CARD8: variants seen among roughly 807,000 people sequenced by gnomAD.
CARD8 encodes the protein caspase recruitment domain family member 8, also known as caspase recruitment domain-containing protein 8.
In CARD8, 38 loss-of-function variants were observed where a neutral mutation model predicts 53.2. That is an observed-to-expected ratio of 0.71 (90% CI 0.55 to 0.94). The LOEUF (loss-of-function observed/expected upper bound fraction) is 0.94. Among genes scored for constraint, CARD8 ranks in the 40% least tolerant of loss-of-function variants. The pLI, the probability that CARD8 is intolerant of heterozygous loss-of-function variation, is 0.00. For synonymous variants in CARD8, 245 were observed against 244.9 expected (o/e 1.00, Z 0.00); for missense variants, 561 against 655.5 (o/e 0.86, Z 1.57).
chr19:48,207,347 C>A (rs2037394785), downstream of CARD8, among the ~76,000 whole-genome samples: 1 of 152,092 alleles, frequency 6.6e-6, no homozygotes, highest in Non-Finnish European at 1.5e-5. Context: ...TTTAACTTCA[C>A]TGTGTAACTT....
intron 3 of CARD8, among the ~76,000 whole-genome samples, chr19:48,247,481 A>G (rs1479668333): frequency 1.3e-5 from 2 of 152,194 alleles, no homozygotes; most frequent in Non-Finnish European, 2.9e-5. Context: ...CTGAATTATC[A>G]CTAAGATCTA....
chr19:48,211,462 T>C lies in CARD8; in HGVS notation c.*248A>G. 2.2e-6 allele frequency: 1 copy of C among 449,570 alleles called. No individual in the cohort carries two copies. Among genetic ancestry groups the C allele is most frequent in the Non-Finnish European group, 4.0e-6 (1 of 250,560 alleles). The allele number at this position is 449,570 out of a possible 1,614,324, so 27.8% of individuals were successfully genotyped here. ...CATGTCAATGGATAAAATAGTGATA[T>C]ATCAAGCAATGGTTGGAAAAAATTT... On this transcript the variant is annotated 3_prime_UTR_variant, in exon 14 of 14. Transcript: ENST00000651546.
chr19:48,238,399 AG>A lies in CARD8; in HGVS notation c.192del (p.Cys65ValfsTer2). 6.5e-7 allele frequency: 1 copy of A among 1,535,852 alleles called. No individual in the cohort carries two copies. Among genetic ancestry groups the A allele is most frequent in the Non-Finnish European group, 8.7e-7 (1 of 1,146,830 alleles). ...TKTGIFFQAEACVTNDTVYRE... is the reference protein window; with the variant it reads ...TKTGIFFQAEXCVTNDTVYRE... ...GTCCCTTACGTATCATTTGTCACAC[AG>A]GCCTCAGCCTGAAAAAAAATTCCAG... On this transcript the variant is annotated frameshift_variant, in exon 5 of 14. Coordinates refer to ENST00000651546, the MANE Select transcript of CARD8 (RefSeq NM_001184900.3). LOFTEE classifies it high-confidence loss of function.
intron 5 of CARD8, among the ~76,000 whole-genome samples, chr19:48,234,895 A>G (rs905903634): frequency 2.6e-5 from 4 of 152,190 alleles, no homozygotes; most frequent in Non-Finnish European, 4.4e-5. Flanking sequence ...AATTTTAGGG[A>G]AAGGATGAGA....
chr19:48,203,588 C>T (rs2037240094), downstream of CARD8: 1 of 153,314 alleles, frequency 6.5e-6, no homozygotes, highest in Non-Finnish European at 1.5e-5. Context: ...TATTAACATA[C>T]TGCTTTTTCC....
In CARD8 at chr19:48,242,275, C is replaced by T. The variant is rs917171916; in HGVS notation, c.-43-1212G>A. Among the ~76,000 whole-genome samples, 186 of 152,142 alleles carry T rather than the reference C, an allele frequency of 1.2e-3. 1 individual carries two copies. Among genetic ancestry groups the T allele is most frequent in the African/African-American group, 3.8e-3 (156 of 41,502 alleles). ...GCTCCCGCTTTCTACCGTGGGAGGG[C>T]GCAGCAAGAAGTCAGCCGTCTATGA... On this transcript the variant is annotated intron_variant, in intron 3 of 13. Coordinates refer to ENST00000651546, the MANE Select transcript of CARD8 (RefSeq NM_001184900.3).
Position 48,234,560 on chromosome 19 carries a change from G to C in CARD8, c.210-17C>G, listed in dbSNP as rs769434734. On this transcript the variant is annotated splice_polypyrimidine_tract_variant and intron_variant, in intron 5 of 13. Coordinates refer to ENST00000651546, the MANE Select transcript of CARD8 (RefSeq NM_001184900.3). ...CTGTATACCCTGGAAAACAACAACA[G>C]AATTTTTACTATGAATATAAGGTAG... The C allele has an allele frequency of 9.3e-6, 15 of 1,607,866 alleles. No homozygotes were observed. The East Asian group carries it at 3.4e-4, about 36-fold the overall frequency.
At chr19:48,249,000 C>A (rs961061641) in intron 3 of CARD8, among the ~76,000 whole-genome samples, 9 of 152,118 alleles carry the variant, frequency 5.9e-5, no homozygotes, top group Admixed American at 3.3e-4. Flanking sequence ...GAGTTCGAAG[C>A]CAGACTGGCA....
intron 11 of CARD8, 95 bp downstream of exon 11, chr19:48,221,635 A>G: frequency 5.7e-6 from 5 of 880,386 alleles, no homozygotes; most frequent in Non-Finnish European, 8.2e-6. Flanking sequence ...GTGATTAATA[A>G]AAGAAAAATG....
Position 48,230,495 on chromosome 19 carries a change from G to A in CARD8, c.978C>T (p.His326=), listed in dbSNP as rs372194276. 14 of 1,613,972 alleles carry A rather than the reference G, an allele frequency of 8.7e-6. No individual in the cohort carries two copies. The highest frequency in any genetic ancestry group is 1.1e-5 in the Non-Finnish European group (13 of 1,179,976). ...ACAAGTGGAACTTAATATCTTCGGG[G>A]TGGGGGTGATAATAGATCAATGTGT... The part of the protein sequence containing the change: ...TSNTLIYYHP[H]PEDIKFHLYL... The change falls in exon 10 of 14, where the codon CAC becomes CAT. Residue 326 remains histidine (H), a synonymous_variant. Transcript: ENST00000651546.
chr19:48,218,849 C>T (rs1319940375), intron 12 of CARD8, 22 bp downstream of exon 12: 7 of 1,612,116 alleles, frequency 4.3e-6, no homozygotes, highest in Non-Finnish European at 5.1e-6. Flanking sequence ...TCTAAAAATG[C>T]CAGCCTCGCC....
rs1376773637 is a variant in CARD8, at chr19:48,211,824, C to G, written c.1500G>C (p.Glu500Asp). ...TCTTCTCCACCATGCTCAGCAAGGC[C>G]TCATTCTTGCTCTGCCGTGTCTTTT... Reference protein sequence around the residue: ...EQEKTRQSKNEALLSMVEKKG... With the variant: ...EQEKTRQSKNDALLSMVEKKG... Residue 500 changes from glutamate to aspartate, a missense_variant, in exon 14 of 14, where the codon GAG (glutamate) becomes GAC (aspartate). Transcript: ENST00000651546. 1 of 1,614,022 alleles carries G rather than the reference C, an allele frequency of 6.2e-7. No individual in the cohort carries two copies.
chr19:48,237,674 G>A (rs2044157875), intron 5 of CARD8, among the ~76,000 whole-genome samples: 1 of 151,728 alleles, frequency 6.6e-6, no homozygotes, highest in Non-Finnish European at 1.5e-5. Context: ...GTGGGCACCT[G>A]TAATTCCAGC....
rs1294089607 is a variant in CARD8 at position 48,241,068 on chromosome 19, A to C, written c.-43-5T>G. 1 of 1,444,026 alleles carries C rather than the reference A, an allele frequency of 6.9e-7. No homozygotes were observed. The highest frequency in any genetic ancestry group is 2.5e-5 in the East Asian group (1 of 40,586). The allele number at this position is 1,444,026 out of a possible 1,614,324, so 89.5% of individuals were successfully genotyped here. The stretch of plus-strand genomic sequence containing the variant: ...CTTTACTGTATCTTTTTTACCCTGA[A>C]AAAATAAAAGGAGGTTGTATTTAGG... On this transcript the variant is annotated splice_region_variant and splice_polypyrimidine_tract_variant and intron_variant, in intron 3 of 13. Coordinates refer to ENST00000651546, the MANE Select transcript of CARD8 (RefSeq NM_001184900.3).
rs1254751449 is a variant in CARD8 at position 48,210,301 on chromosome 19, TAA to T, written c.*1407_*1408del. The T allele has an allele frequency of 1.3e-5, 2 of 151,772 alleles. No homozygotes were observed. The highest frequency in any genetic ancestry group is 3.9e-4 in the East Asian group (2 of 5,180). 9.4% of individuals were successfully genotyped at this position (151,772 alleles called of 1,614,324 possible). A position where few individuals can be genotyped will look rare whatever the true frequency, so the allele number is the denominator to read the frequency against. ...AGATGTCCTCAGAGGAAGCAAAAAA[TAA>T]GAGAATCTGTACCTATCAGAACCAC... On this transcript the variant is annotated 3_prime_UTR_variant, in exon 14 of 14. Coordinates refer to ENST00000651546, the MANE Select transcript of CARD8 (RefSeq NM_001184900.3).
At chr19:48,206,633 A>G, downstream of CARD8, 1 of 401,126 alleles carries the variant, frequency 2.5e-6, no homozygotes, top group Non-Finnish European at 5.0e-6. Context: ...GGTGTTACCA[A>G]ATTCTTTTAG....
intron 10 of CARD8, chr19:48,223,660 A>G (rs777085228): frequency 3.1e-5 from 10 of 319,880 alleles, no homozygotes; most frequent in Non-Finnish European, 5.5e-5. Context: ...AAATAAATCC[A>G]TATCACATTG....
In CARD8 at chr19:48,208,245, A is replaced by G. The variant is rs1022929195; in HGVS notation, c.*3465T>C. On this transcript the variant is annotated 3_prime_UTR_variant, in exon 14 of 14. Coordinates refer to ENST00000651546, the MANE Select transcript of CARD8 (RefSeq NM_001184900.3). ...ACGATCACAATCATGAAGAGGATGG[A>G]GCTGCAGAATCTGAGCATATAAAGA... 1 of 152,180 alleles carries G rather than the reference A, an allele frequency of 6.6e-6. No individual in the cohort carries two copies. The highest frequency in any genetic ancestry group is 1.5e-5 in the Non-Finnish European group (1 of 68,026). 9.4% of individuals were successfully genotyped at this position (152,180 alleles called of 1,614,324 possible).
At chr19:48,254,783 G>A (rs1323490673) in intron 1 of CARD8, among the ~76,000 whole-genome samples, 2 of 151,910 alleles carry the variant, frequency 1.3e-5, no homozygotes, top group African/African-American at 4.8e-5. Context: ...TGAAGAGAGG[G>A]CTCTTATCCT....
Sources: gnomAD v4.1 joint callset for allele counts (sites outside exome capture counted in the v4.1 genomes callset) on GRCh38, gnomAD v4.1.1 for gene constraint, MANE v1.5 for transcripts, NCBI Gene and HGNC (gene_info 2026-07-23, HGNC 2026-07-21) for gene names.